The following KLHL32 variants were observed in gnomAD, a reference collection of about 807,000 sequenced individuals.
KLHL32 encodes the protein kelch like family member 32.
KLHL32 carries 35 observed loss-of-function variants against 64.8 expected under a neutral mutation model. The observed-to-expected ratio is 0.54, with a 90% CI of 0.41 to 0.72. The LOEUF is 0.72. Among genes scored for constraint, KLHL32 ranks in the 30% least tolerant of loss-of-function variants. The probability of loss-of-function intolerance (pLI) is 0.00; values close to 1 mark genes in which losing one functional copy is unlikely to be tolerated. For synonymous variants in KLHL32, 259 were observed against 281.0 expected, an observed-to-expected ratio of 0.92 and a Z score of 0.78; for missense variants, 589 against 768.5, an observed-to-expected ratio of 0.77 and a Z score of 2.76.
intron 3 of KLHL32, among the ~76,000 whole-genome samples, chr6:97,037,857 A>G (rs1286320019): frequency 3.3e-5 from 5 of 152,222 alleles, no homozygotes; most frequent in Non-Finnish European, 7.3e-5. Context: ...GGGAACCCAA[A>G]TATAAGTCCA....
chr6:96,974,213 C>A (rs1178355603), intron 2 of KLHL32, among the ~76,000 whole-genome samples: 1 of 152,110 alleles, frequency 6.6e-6, no homozygotes, highest in Non-Finnish European at 1.5e-5. Context: ...GAGAATAGTT[C>A]ATGGGACACG....
At chr6:97,136,346 C>T (rs1366781285) in intron 10 of KLHL32, among the ~76,000 whole-genome samples, 1 of 152,206 alleles carries the variant, frequency 6.6e-6, no homozygotes, top group Admixed American at 6.5e-5. Flanking sequence ...TTATTTCCTG[C>T]TACTACTCTG....
intron 3 of KLHL32, among the ~76,000 whole-genome samples, chr6:96,979,198 G>C (rs1204388067): frequency 6.6e-6 from 1 of 152,116 alleles, no homozygotes; most frequent in Non-Finnish European, 1.5e-5. Context: ...TGGTGTCTTT[G>C]TCATGACATA....
chr6:97,064,711 C>G lies in KLHL32; in HGVS notation c.396C>G (p.Ser132=), dbSNP rs773088986. 4.6e-5 allele frequency: 74 copies of G among 1,613,388 alleles called. No individual in the cohort carries two copies. The highest frequency in any genetic ancestry group is 6.8e-6 in the Non-Finnish European group (8 of 1,179,416). ...LQLLELLNLC[S]HYLIQELNSF... ...TGTTGGAGCTTCTCAATTTATGCTC[C>G]CACTATCTCATCCAGGTATGTGAGC... The change falls in exon 5 of 11, where the codon TCC becomes TCG. Residue 132 remains serine (S), a synonymous_variant. Coordinates refer to ENST00000369261, the MANE Select transcript of KLHL32 (RefSeq NM_052904.4).
chr6:96,923,696 G>C (rs1163258483), upstream of KLHL32, among the ~76,000 whole-genome samples: 1 of 152,216 alleles, frequency 6.6e-6, no homozygotes, highest in Non-Finnish European at 1.5e-5. Context: ...CTCTGTGGCA[G>C]AACATAAACC....
chr6:97,130,824 G>C lies in KLHL32; in HGVS notation c.1481G>C (p.Arg494Thr). 1 of 1,614,066 alleles carries C rather than the reference G, an allele frequency of 6.2e-7. No homozygotes were observed. The highest frequency in any genetic ancestry group is 1.1e-5 in the South Asian group (1 of 91,074). ...RVYHSMAAVQRKLYVLGGNDL... is the reference protein window; with the variant it reads ...RVYHSMAAVQTKLYVLGGNDL... ...TACCATTCCATGGCTGCTGTACAAA[G>C]GAAGCTTTATGTTCTTGGAGGCAAT... The change falls in exon 9 of 11, where the codon AGG (arginine) becomes ACG (threonine). Residue 494 changes from arginine to threonine, a missense_variant. Transcript: ENST00000369261.
At chr6:97,117,694 G>A (rs1395579914) in intron 7 of KLHL32, among the ~76,000 whole-genome samples, 1 of 152,106 alleles carries the variant, frequency 6.6e-6, no homozygotes, top group African/African-American at 2.4e-5. Context: ...GCAGTATCAA[G>A]GTAAAATAAG....
intron 3 of KLHL32, among the ~76,000 whole-genome samples, chr6:96,991,076 G>A (rs995509965): frequency 7.2e-5 from 11 of 152,102 alleles, no homozygotes; most frequent in Non-Finnish European, 1.3e-4. Context: ...GCCTCATGGG[G>A]AGGAGAGACT....
chr6:96,909,072 G>A, the KLHL32 span, among the ~76,000 whole-genome samples: 1 of 152,116 alleles, frequency 6.6e-6, no homozygotes, highest in Non-Finnish European at 1.5e-5. Context: ...GGGCTAAGAT[G>A]CTACCATTCA....
At chr6:97,105,093 A>G (rs1583041086) in intron 6 of KLHL32, among the ~76,000 whole-genome samples, 2 of 152,248 alleles carry the variant, frequency 1.3e-5, no homozygotes, top group Non-Finnish European at 2.9e-5. Flanking sequence ...TCACATTTTT[A>G]AAGAAACTGT....
chr6:96,968,490 G>A (rs1417542170), intron 2 of KLHL32, among the ~76,000 whole-genome samples: 1 of 152,136 alleles, frequency 6.6e-6, no homozygotes, highest in Non-Finnish European at 1.5e-5. Flanking sequence ...GGAGACCATG[G>A]TGTCTGTCTG....
At chr6:96,948,817 G>A (rs964115937) in intron 1 of KLHL32, among the ~76,000 whole-genome samples, 8 of 151,790 alleles carry the variant, frequency 5.3e-5, no homozygotes, top group Admixed American at 5.3e-4. Context: ...CCCACTTGTC[G>A]AGCTCACCCA....
chr6:97,012,599 A>G (rs1006535831), intron 3 of KLHL32, among the ~76,000 whole-genome samples: 1 of 152,218 alleles, frequency 6.6e-6, no homozygotes, highest in Non-Finnish European at 1.5e-5. Context: ...TAGCAAGGAA[A>G]CTAATACAGG....
At chr6:97,076,320 G>A (rs1010614120) in intron 5 of KLHL32, among the ~76,000 whole-genome samples, 3 of 152,178 alleles carry the variant, frequency 2.0e-5, no homozygotes, top group Non-Finnish European at 4.4e-5. Context: ...TATAGTTTAA[G>A]TACTGTTAAC....
At chr6:97,026,716 T>TA (rs1468752122) in intron 3 of KLHL32, among the ~76,000 whole-genome samples, 3 of 152,078 alleles carry the variant, frequency 2.0e-5, no homozygotes, top group Non-Finnish European at 4.4e-5. Context: ...GAGAGGACAT[T>TA]AAAAATAAGA....
At chr6:96,985,394 A>G (rs1051314640) in intron 3 of KLHL32, among the ~76,000 whole-genome samples, 30 of 151,962 alleles carry the variant, frequency 2.0e-4, no homozygotes, top group East Asian at 7.7e-4. Flanking sequence ...CATTCTCTGT[A>G]TTTCCTGAAT....
intron 3 of KLHL32, among the ~76,000 whole-genome samples, chr6:97,018,185 G>C (rs1781493879): frequency 6.6e-6 from 1 of 151,540 alleles, no homozygotes; most frequent in Non-Finnish European, 1.5e-5. Context: ...CTTCTAAGGA[G>C]AAAAAAAGAA....
intron 1 of KLHL32, among the ~76,000 whole-genome samples, chr6:96,951,410 T>A (rs769045027): frequency 6.6e-6 from 1 of 152,038 alleles, no homozygotes; most frequent in Admixed American, 6.6e-5. Context: ...ATACTCAGAG[T>A]CAGGTGAGCA....
intron 1 of KLHL32, among the ~76,000 whole-genome samples, chr6:96,954,480 C>G (rs1455601033): frequency 6.6e-6 from 1 of 152,046 alleles, no homozygotes; most frequent in Non-Finnish European, 1.5e-5. Context: ...CTGGTTGAGC[C>G]ATTTATTTGG....
Sources: allele counts gnomAD v4.1 joint callset (sites outside exome capture counted in the v4.1 genomes callset), GRCh38; gene constraint gnomAD v4.1.1; transcripts MANE v1.5; gene names NCBI Gene and HGNC (gene_info 2026-07-23, HGNC 2026-07-21).